KIRREL3: variants seen among roughly 807,000 people sequenced by gnomAD.
KIRREL3 encodes the protein kirre like nephrin family adhesion molecule 3, also known as kin of IRRE-like protein 3.
Under a neutral mutation model 89.7 loss-of-function variants are expected in KIRREL3, and 36 were observed. That is an observed-to-expected ratio of 0.40 (90% CI 0.31 to 0.53). The LOEUF (loss-of-function observed/expected upper bound fraction) is 0.53. Ranked by LOEUF, KIRREL3 falls within the 20% of genes least tolerant of loss-of-function variation. The pLI, the probability that KIRREL3 is intolerant of heterozygous loss-of-function variation, is 0.49. For synonymous variants in KIRREL3, 445 were observed against 441.4 expected (o/e 1.01, Z -0.10); for missense variants, 864 against 1,056.6 (o/e 0.82, Z 2.53).
At chr11:126,503,085 T>C (rs1373023316) in intron 4 of KIRREL3, among the ~76,000 whole-genome samples, 3 of 152,228 alleles carry the variant, frequency 2.0e-5, no homozygotes, top group Non-Finnish European at 4.4e-5. Context: ...TCCTCCCTCG[T>C]TCTTGCCACC....
rs7941053 is a variant in KIRREL3, at chr11:126,976,349, G to T, written c.55+24106C>A. Among the ~76,000 whole-genome samples, 279 of 152,192 alleles carry T rather than the reference G, an allele frequency of 1.8e-3. No individual in the cohort carries two copies. The highest frequency in any genetic ancestry group is 5.7e-3 in the African/African-American group (238 of 41,516). On this transcript the variant is annotated intron_variant, in intron 1 of 16. Coordinates refer to ENST00000525144, the MANE Select transcript of KIRREL3 (RefSeq NM_032531.4). The surrounding 1 kb of genome is among the most constrained non-coding windows in gnomAD (Gnocchi z 4.2). ...ATCACTTGCTTTTAGCAAGCCAAAG[G>T]TTGCTTCCAGGGACCACAGATTATT...
Position 126,530,195 on chromosome 11 carries a change from C to T in KIRREL3, c.134-3508G>A, listed in dbSNP as rs1258162690. On this transcript the variant is annotated intron_variant, in intron 2 of 16. Coordinates refer to ENST00000525144, the MANE Select transcript of KIRREL3 (RefSeq NM_032531.4). The surrounding 1 kb of genome is among the most constrained non-coding windows in gnomAD (Gnocchi z 5.8). Reference sequence around the variant, plus strand: ...TTGCCTCCCGGTTCAAGTGATTCTCCTGCCTCAGCCTCCTGAGCAGCTGGG... The same window carrying T: ...TTGCCTCCCGGTTCAAGTGATTCTCTTGCCTCAGCCTCCTGAGCAGCTGGG... Among the ~76,000 whole-genome samples, 3 of 152,134 alleles carry T rather than the reference C, an allele frequency of 2.0e-5. No homozygotes were observed. The highest frequency in any genetic ancestry group is 2.1e-4 in the South Asian group (1 of 4,828).
At chr11:126,619,094 A>G (rs1427670328) in intron 1 of KIRREL3, among the ~76,000 whole-genome samples, 1 of 152,256 alleles carries the variant, frequency 6.6e-6, no homozygotes. Flanking sequence ...ATAATGAGAC[A>G]GCGGTCTAGA....
At position 126,909,241 on chromosome 11, in the gene KIRREL3, A is replaced by G. The variant is rs1946711356; in HGVS notation, c.55+91214T>C. 6.6e-6 allele frequency among the ~76,000 whole-genome samples: 1 copy of G among 152,088 alleles called. No homozygotes were observed. The highest frequency in any genetic ancestry group is 1.5e-5 in the Non-Finnish European group (1 of 68,010). Reference sequence around the variant, plus strand: ...AATGGGGTCGGAGAGGGAGGAGTTCATGGGAGGTGTGGCACTAAAACCCAG... The same window carrying G: ...AATGGGGTCGGAGAGGGAGGAGTTCGTGGGAGGTGTGGCACTAAAACCCAG... On this transcript the variant is annotated intron_variant, in intron 1 of 16. Transcript: ENST00000525144. The surrounding 1 kb of genome is among the most constrained non-coding windows in gnomAD (Gnocchi z 4.5).
intron 1 of KIRREL3, among the ~76,000 whole-genome samples, chr11:126,638,151 T>C (rs1944335881): frequency 6.6e-6 from 1 of 152,206 alleles, no homozygotes; most frequent in Non-Finnish European, 1.5e-5. Flanking sequence ...GGAATAATAA[T>C]GGGCTTTGCT....
At chr11:126,559,950 TG>T in intron 2 of KIRREL3, among the ~76,000 whole-genome samples, 1 of 152,308 alleles carries the variant, frequency 6.6e-6, no homozygotes, top group African/African-American at 2.4e-5. Context: ...CTCAGAGTGC[TG>T]GGATTACAGG....
At position 126,456,341 on chromosome 11, in the gene KIRREL3, A is replaced by G. The variant is rs1185004973; in HGVS notation, c.848+8T>C. 1 of 1,565,240 alleles carries G rather than the reference A, an allele frequency of 6.4e-7. No homozygotes were observed. Among genetic ancestry groups the G allele is most frequent in the East Asian group, 2.4e-5 (1 of 42,502 alleles). On this transcript the variant is annotated splice_region_variant and intron_variant, in intron 7 of 16. Coordinates refer to ENST00000525144, the MANE Select transcript of KIRREL3 (RefSeq NM_032531.4). Reference sequence around the variant, plus strand: ...GCCAGGCCGGGCCCCCTCAGCAGTGACTCTCACCTGTACTGGGTGACAGCT... The same window carrying G: ...GCCAGGCCGGGCCCCCTCAGCAGTGGCTCTCACCTGTACTGGGTGACAGCT...
At chr11:126,540,754 C>T (rs1042749774) in intron 2 of KIRREL3, among the ~76,000 whole-genome samples, 7 of 152,196 alleles carry the variant, frequency 4.6e-5, no homozygotes, top group East Asian at 1.9e-4. Flanking sequence ...TGAGACAGGA[C>T]GGGCATAGCA....
intron 1 of KIRREL3, among the ~76,000 whole-genome samples, chr11:126,592,012 G>T (rs1018054772): frequency 5.3e-5 from 8 of 152,086 alleles, no homozygotes; most frequent in Non-Finnish European, 8.8e-5. Flanking sequence ...CCACGGCTGG[G>T]GGTCGCTTGC....
intron 1 of KIRREL3, among the ~76,000 whole-genome samples, chr11:126,926,091 C>A (rs2135024744): frequency 6.6e-6 from 1 of 152,358 alleles, no homozygotes; most frequent in East Asian, 1.9e-4. Flanking sequence ...CACACAATCA[C>A]TTTGGGCCTC....
rs1438322080 is a variant in KIRREL3, at chr11:126,783,599, A to C, written c.55+216856T>G. On this transcript the variant is annotated intron_variant, in intron 1 of 16. Transcript: ENST00000525144. This position sits in a 1 kb window ranked among gnomAD's most constrained non-coding sequence, Gnocchi z 4.3. ...AGATGGCATGCTTTAGCAACAAAAT[A>C]GTGTTGGAGGATAATCCAAAGCAAG... Among the ~76,000 whole-genome samples, 2 of 152,236 alleles carry C rather than the reference A, an allele frequency of 1.3e-5. No homozygotes were observed. The highest frequency in any genetic ancestry group is 2.9e-5 in the Non-Finnish European group (2 of 68,040).
rs977194494 is a variant in KIRREL3 at position 126,996,906 on chromosome 11, T to C, written c.55+3549A>G. ...AGAATCACAAGGCAGGACAGGACGC[T>C]CTAGGAATGCCAGAGCAAAATGCCA... On this transcript the variant is annotated intron_variant, in intron 1 of 16. Transcript: ENST00000525144. This position sits in a 1 kb window ranked among gnomAD's most constrained non-coding sequence, Gnocchi z 4.7. Among the ~76,000 whole-genome samples, 9 of 152,174 alleles carry C rather than the reference T, an allele frequency of 5.9e-5. No homozygotes were observed. Among genetic ancestry groups the C allele is most frequent in the African/African-American group, 2.2e-4 (9 of 41,448 alleles).
Position 126,623,668 on chromosome 11 carries a change from C to T in KIRREL3, c.56-60756G>A, listed in dbSNP as rs1362763127. 6.6e-6 allele frequency among the ~76,000 whole-genome samples: 1 copy of T among 152,090 alleles called. No homozygotes were observed. The highest frequency in any genetic ancestry group is 1.5e-5 in the Non-Finnish European group (1 of 68,016). ...GGTCAGGACCAGGTTGTGTGCAGGGCAGCTCTGATTGCTTTCTTAGCAGAA... is the reference window on the plus strand; with the variant it reads ...GGTCAGGACCAGGTTGTGTGCAGGGTAGCTCTGATTGCTTTCTTAGCAGAA... On this transcript the variant is annotated intron_variant, in intron 1 of 16. Coordinates refer to ENST00000525144, the MANE Select transcript of KIRREL3 (RefSeq NM_032531.4). This position sits in a 1 kb window ranked among gnomAD's most constrained non-coding sequence, Gnocchi z 4.1.
rs974666360 is a variant in KIRREL3, at chr11:126,708,242, A to C, written c.56-145330T>G. 6.6e-6 allele frequency among the ~76,000 whole-genome samples: 1 copy of C among 152,162 alleles called. No individual in the cohort carries two copies. Among genetic ancestry groups the C allele is most frequent in the Non-Finnish European group, 1.5e-5 (1 of 68,040 alleles). ...TGGCAGTTTACAATGTTATATTGCT[A>C]CCAAAGCGGGCAAAATGAGGATGTG... is the stretch of plus-strand genomic sequence containing the variant. On this transcript the variant is annotated intron_variant, in intron 1 of 16. Coordinates refer to ENST00000525144, the MANE Select transcript of KIRREL3 (RefSeq NM_032531.4). The surrounding 1 kb of genome is among the most constrained non-coding windows in gnomAD (Gnocchi z 5.7).
At position 126,598,805 on chromosome 11, in the gene KIRREL3, T is replaced by C. The variant is rs1373236771; in HGVS notation, c.56-35893A>G. Among the ~76,000 whole-genome samples, 8 of 152,340 alleles carry C rather than the reference T, an allele frequency of 5.3e-5. 1 individual carries two copies. In the East Asian group the frequency reaches 1.2e-3, roughly 22 times the overall value. On this transcript the variant is annotated intron_variant, in intron 1 of 16. Coordinates refer to ENST00000525144, the MANE Select transcript of KIRREL3 (RefSeq NM_032531.4). ...TTAATTTTTCTGGGCTTCGGTTTCC[T>C]TACCTCTGCAGTGGGAATAATAATT...
intron 6 of KIRREL3, among the ~76,000 whole-genome samples, chr11:126,461,242 G>A (rs1405846603): frequency 6.6e-6 from 1 of 152,256 alleles, no homozygotes; most frequent in Non-Finnish European, 1.5e-5. Context: ...CTTTTCCAGT[G>A]GGGCTTACTG....
intron 9 of KIRREL3, 89 bp downstream of exon 9, chr11:126,446,670 A>C: frequency 7.3e-7 from 1 of 1,377,262 alleles, no homozygotes; most frequent in Admixed American, 2.1e-5. Flanking sequence ...CCAGTCTAAT[A>C]GTGAGAGGGG....
At chr11:126,863,368 A>G (rs1944768526) in intron 1 of KIRREL3, among the ~76,000 whole-genome samples, 1 of 148,628 alleles carries the variant, frequency 6.7e-6, no homozygotes, top group South Asian at 2.2e-4. Flanking sequence ...TGTGTGTTTG[A>G]GTGCGTGTGT....
Position 126,876,118 on chromosome 11 carries a change from A to G in KIRREL3, c.55+124337T>C, listed in dbSNP as rs1945276331. 6.6e-6 allele frequency among the ~76,000 whole-genome samples: 1 copy of G among 152,190 alleles called. No individual in the cohort carries two copies. The highest frequency in any genetic ancestry group is 2.4e-5 in the African/African-American group (1 of 41,448). ...TGACTTCAAAGGGCAGCCGTCTTCT[A>G]CTAGCTCTTCAGAACTTTCTGGCCC... is the stretch of plus-strand genomic sequence containing the variant. On this transcript the variant is annotated intron_variant, in intron 1 of 16. Coordinates refer to ENST00000525144, the MANE Select transcript of KIRREL3 (RefSeq NM_032531.4). The surrounding 1 kb of genome is among the most constrained non-coding windows in gnomAD (Gnocchi z 4.1).
Sources: allele counts gnomAD v4.1 joint callset (sites outside exome capture counted in the v4.1 genomes callset), GRCh38; gene constraint gnomAD v4.1.1; non-coding constraint Gnocchi (gnomAD v3.1); transcripts MANE v1.5; gene names NCBI Gene and HGNC (gene_info 2026-07-23, HGNC 2026-07-21).